CSMD1: variants seen among roughly 807,000 people sequenced by gnomAD.
The protein encoded by CSMD1 is CUB and Sushi multiple domains 1.
Under a neutral mutation model 417.5 loss-of-function variants are expected in CSMD1, and 213 were observed. That is an observed-to-expected ratio of 0.51 (90% CI 0.46 to 0.57). The LOEUF is 0.57. CSMD1 is among the 20% of genes least tolerant of loss of function. The pLI, the probability that CSMD1 is intolerant of heterozygous loss-of-function variation, is 0.00. For missense variants in CSMD1, 6,923 were observed against 4,529.7 expected, an observed-to-expected ratio of 1.53 and a Z score of -15.17; for synonymous variants, 2,862 against 1,736.8, an observed-to-expected ratio of 1.65 and a Z score of -16.11.
Position 3,756,636 on chromosome 8 carries a change from T to C in CSMD1, c.819-2594A>G, listed in dbSNP as rs2469413. Among the ~76,000 whole-genome samples the C allele has an allele frequency of 4.5e-3, 688 of 152,342 alleles. 27 individuals carry two copies. In the East Asian group the frequency reaches 0.086, roughly 19 times the overall value. On this transcript the variant is annotated intron_variant, in intron 5 of 69. Coordinates refer to ENST00000635120, the MANE Select transcript of CSMD1 (RefSeq NM_033225.6). The stretch of plus-strand genomic sequence containing the variant: ...TGTAAGTTTCCATTTCATATGGTGA[T>C]AGAAGACTATGAATACAAAAGATCA...
rs1801423475 is a variant in CSMD1, at chr8:2,935,891, A to T, written c.*2694T>A. The T allele has an allele frequency of 6.6e-6, 1 of 152,222 alleles. No homozygotes were observed. The highest frequency in any genetic ancestry group is 1.5e-5 in the Non-Finnish European group (1 of 68,040). 9.4% of individuals were successfully genotyped at this position (152,222 alleles called of 1,614,324 possible). A position where few individuals can be genotyped will look rare whatever the true frequency, so the allele number is the denominator to read the frequency against. ...AAAAGGCAAGATGTGTGTGTAAAAC[A>T]AGCAGCAGTTTTAAACAGCTCTGAA... On this transcript the variant is annotated 3_prime_UTR_variant, in exon 70 of 70. Transcript: ENST00000635120.
chr8:4,820,128 G>C (rs1018427676), intron 1 of CSMD1, among the ~76,000 whole-genome samples: 16 of 152,132 alleles, frequency 1.1e-4, no homozygotes, highest in Admixed American at 6.5e-4. Flanking sequence ...ACAGAGGCTA[G>C]AATTCTTGCA....
chr8:4,041,017 CTTTTT>C (rs36145371), intron 3 of CSMD1, among the ~76,000 whole-genome samples: 1 of 100,158 alleles, frequency 1.0e-5, no homozygotes, highest in Non-Finnish European at 2.0e-5. Flanking sequence ...TTTTTTTTTC[CTTTTT>C]TTTTTTTTTT....
At chr8:4,432,644 GA>G (rs1797932759) in intron 2 of CSMD1, among the ~76,000 whole-genome samples, 1 of 152,136 alleles carries the variant, frequency 6.6e-6, no homozygotes, top group African/African-American at 2.4e-5. Flanking sequence ...ACTGACTTAA[GA>G]CCATGCAGGT....
intron 1 of CSMD1, among the ~76,000 whole-genome samples, chr8:4,642,344 C>T (rs1363569468): frequency 6.6e-6 from 1 of 152,188 alleles, no homozygotes; most frequent in Non-Finnish European, 1.5e-5. Flanking sequence ...GCCCTGTGCC[C>T]TCATCATTTC....
At chr8:4,398,660 G>C (rs1215642019) in intron 3 of CSMD1, among the ~76,000 whole-genome samples, 1 of 152,174 alleles carries the variant, frequency 6.6e-6, no homozygotes, top group South Asian at 2.1e-4. Flanking sequence ...CTCCCAAAGT[G>C]CTGGGATTAC....
intron 1 of CSMD1, among the ~76,000 whole-genome samples, chr8:4,827,252 G>T (rs972453980): frequency 6.6e-6 from 1 of 152,028 alleles, no homozygotes; most frequent in African/African-American, 2.4e-5. Flanking sequence ...TAATCCAAAT[G>T]AATTTAAGGA....
intron 3 of CSMD1, among the ~76,000 whole-genome samples, chr8:4,119,576 A>G (rs1254705565): frequency 9.2e-6 from 1 of 108,824 alleles, no homozygotes; most frequent in Non-Finnish European, 1.9e-5. Context: ...CCAGAGGATA[A>G]TAGTAGTGTT....
chr8:4,492,231 AG>A (rs1801741085), intron 2 of CSMD1, among the ~76,000 whole-genome samples: 1 of 152,162 alleles, frequency 6.6e-6, no homozygotes, highest in Non-Finnish European at 1.5e-5. Flanking sequence ...CTGGTACTAC[AG>A]GCATATGTGA....
chr8:3,491,631 G>C (rs917148988), intron 11 of CSMD1, among the ~76,000 whole-genome samples: 1 of 152,196 alleles, frequency 6.6e-6, no homozygotes, highest in African/African-American at 2.4e-5. Context: ...CCCTGGTGGA[G>C]TCCTCTTCTG....
rs567242473 is a variant in CSMD1, at chr8:4,024,625, C to G, written c.610+7280G>C. On this transcript the variant is annotated intron_variant, in intron 4 of 69. Transcript: ENST00000635120. ...CCATTTCTTAAGGTTCTTTGAGGTA[C>G]AAGCAGGATCTTGCATTTATGGGCC... is the stretch of plus-strand genomic sequence containing the variant. Among the ~76,000 whole-genome samples the G allele has an allele frequency of 5.9e-5, 9 of 152,266 alleles. No homozygotes were observed. In the South Asian group the frequency reaches 1.7e-3, roughly 28 times the overall value.
chr8:3,398,005 G>C (rs975951998), intron 16 of CSMD1, among the ~76,000 whole-genome samples: 1 of 152,150 alleles, frequency 6.6e-6, no homozygotes, highest in Admixed American at 6.5e-5. Flanking sequence ...AAAAATATCA[G>C]AAATATCGGG....
chr8:3,254,450 G>T (rs1220351754), intron 26 of CSMD1, among the ~76,000 whole-genome samples: 1 of 152,086 alleles, frequency 6.6e-6, no homozygotes, highest in Non-Finnish European at 1.5e-5. Context: ...AGTTCTCCTG[G>T]TTTATATCCT....
intron 1 of CSMD1, among the ~76,000 whole-genome samples, chr8:4,706,478 G>C (rs961504123): frequency 2.6e-5 from 4 of 152,068 alleles, no homozygotes; most frequent in Non-Finnish European, 5.9e-5. Context: ...TAATACAAAA[G>C]GGGAAAGTAA....
intron 11 of CSMD1, among the ~76,000 whole-genome samples, chr8:3,477,322 G>A (rs1207939794): frequency 6.6e-6 from 1 of 152,180 alleles, no homozygotes. Context: ...CGTAAAGCCT[G>A]CCCTTCAGAT....
At chr8:4,483,504 T>C (rs552266395) in intron 2 of CSMD1, among the ~76,000 whole-genome samples, 1 of 152,332 alleles carries the variant, frequency 6.6e-6, no homozygotes, top group South Asian at 2.1e-4. Flanking sequence ...GTATGATGTA[T>C]GAAAGTCATA....
rs141855232 is a variant in CSMD1 at position 4,655,142 on chromosome 8, T to G, written c.86-17584A>C. On this transcript the variant is annotated intron_variant, in intron 1 of 69. Coordinates refer to ENST00000635120, the MANE Select transcript of CSMD1 (RefSeq NM_033225.6). The stretch of plus-strand genomic sequence containing the variant: ...AGGGTTTTGTCTTACTAAGACAGTT[T>G]TGATTCTTTTGACTTTACCAAAATG... 1.2e-4 allele frequency among the ~76,000 whole-genome samples: 18 copies of G among 152,250 alleles called. No individual in the cohort carries two copies. In the East Asian group the frequency reaches 3.3e-3, roughly 28 times the overall value.
chr8:4,992,121 T>C (rs1811501633), intron 1 of CSMD1, among the ~76,000 whole-genome samples: 1 of 152,134 alleles, frequency 6.6e-6, no homozygotes, highest in African/African-American at 2.4e-5. Context: ...TCCACGGGGC[T>C]GCCCCGCAGG....
chr8:2,969,527 A>G (rs1006718016), intron 57 of CSMD1, among the ~76,000 whole-genome samples: 3 of 152,208 alleles, frequency 2.0e-5, no homozygotes, highest in Non-Finnish European at 2.9e-5. Context: ...TTAGAATTAT[A>G]ATTTCCTCCT....
Sources: gnomAD v4.1 joint callset for allele counts (sites outside exome capture counted in the v4.1 genomes callset) on GRCh38, gnomAD v4.1.1 for gene constraint, MANE v1.5 for transcripts, NCBI Gene and HGNC (gene_info 2026-07-23, HGNC 2026-07-21) for gene names.